Variants in MCOLN1 observed in about 807,000 individuals in gnomAD.
MCOLN1 encodes mucolipin TRP cation channel 1, also known as mucolipin-1.
Under a neutral mutation model 70.3 loss-of-function variants are expected in MCOLN1, and 50 were observed. The observed-to-expected ratio is 0.71, with a 90% CI of 0.57 to 0.90. The LOEUF is 0.90. Ranked by LOEUF, MCOLN1 falls within the 40% of genes least tolerant of loss-of-function variation. The pLI, the probability that MCOLN1 is intolerant of heterozygous loss-of-function variation, is 0.00. For missense variants in MCOLN1, 598 were observed against 803.5 expected (o/e 0.74, Z 3.09); for synonymous variants, 366 against 341.0 (o/e 1.07, Z -0.81).
chr19:7,530,471 G>T lies in MCOLN1; in HGVS notation c.1545G>T (p.Ala515=). ...ACATGGTGCTCAGCCTCTTCATCGCGCTCATCACCGGCGCCTACGACACCA... is the reference window on the plus strand; with the variant it reads ...ACATGGTGCTCAGCCTCTTCATCGCTCTCATCACCGGCGCCTACGACACCA... ...FIYMVLSLFI[A]LITGAYDTIK... Residue 515 remains alanine, a synonymous_variant, in exon 12 of 14, where the codon GCG becomes GCT. Transcript: ENST00000264079. The T allele has an allele frequency of 6.2e-7, 1 of 1,611,616 alleles. No individual in the cohort carries two copies.
In MCOLN1 at chr19:7,527,562, C is replaced by A. The variant is rs748095297; in HGVS notation, c.614C>A (p.Pro205His). 73 of 1,612,456 alleles carry A rather than the reference C, an allele frequency of 4.5e-5. No homozygotes were observed. In the Middle Eastern group the frequency reaches 8.2e-4, roughly 18 times the overall value. The change falls in exon 5 of 14, where the codon CCC (proline) becomes CAC (histidine). Residue 205 changes from proline (P) to histidine (H), a missense_variant. By Grantham distance (77) the Pro-to-His change is moderately conservative. Coordinates refer to ENST00000264079, the MANE Select transcript of MCOLN1 (RefSeq NM_020533.3). ...CCCCCCGAGCGGCCCCCTCCGCCCC[C>A]CAGCGACGATCTCACCCTCTTGGAA... ...VDPPERPPPP[P>H]SDDLTLLESS...
At position 7,526,276 on chromosome 19, in the gene MCOLN1, G is replaced by C; in HGVS notation, c.238-163G>C. On this transcript the variant is annotated intron_variant, in intron 2 of 13. Coordinates refer to ENST00000264079, the MANE Select transcript of MCOLN1 (RefSeq NM_020533.3). This position sits in a 1 kb window ranked among gnomAD's most constrained non-coding sequence, Gnocchi z 4.6. ...GTGAAATTAATCAAAGCAAAGAAAT[G>C]CACAAGTGAAATCCGTGTTTGTGGC... 1.2e-6 allele frequency: 1 copy of C among 809,156 alleles called. No individual in the cohort carries two copies. Among genetic ancestry groups the C allele is most frequent in the Non-Finnish European group, 2.1e-6 (1 of 473,294 alleles). 50.1% of individuals were successfully genotyped at this position (809,156 alleles called of 1,614,324 possible).
Position 7,528,970 on chromosome 19 carries a change from G to A in MCOLN1, c.1134G>A (p.Lys378=), listed in dbSNP as rs202000556. The part of the protein sequence containing the change: ...GTIMKIGIEA[K]NLASYDVCSI... ...TCATGAAGATCGGCATCGAGGCCAA[G>A]GTGCGTCCTGCCAACACCCTGGGCC... Residue 378 remains lysine (K), a splice_region_variant and synonymous_variant, in exon 9 of 14, where the codon AAG becomes AAA. Coordinates refer to ENST00000264079, the MANE Select transcript of MCOLN1 (RefSeq NM_020533.3). The surrounding 1 kb of genome is among the most constrained non-coding windows in gnomAD (Gnocchi z 4.2). 6.2e-7 allele frequency: 1 copy of A among 1,614,112 alleles called. No individual in the cohort carries two copies. The highest frequency in any genetic ancestry group is 8.5e-7 in the Non-Finnish European group (1 of 1,180,016).
At position 7,526,590 on chromosome 19, in the gene MCOLN1, T is replaced by G. The variant is rs2022571420; in HGVS notation, c.389T>G (p.Phe130Cys). The G allele has an allele frequency of 1.9e-6, 3 of 1,612,926 alleles. No homozygotes were observed. In the South Asian group the frequency reaches 3.3e-5, roughly 18 times the overall value. ...CGGGAGCAGCTGTACCAGGCCATCT[T>G]CCATGCTGTGGACCAGGTGCTGGTG... is the stretch of plus-strand genomic sequence containing the variant. Reference protein sequence around the residue: ...YTREQLYQAIFHAVDQYLALP... With the variant: ...YTREQLYQAICHAVDQYLALP... The change falls in exon 3 of 14, where the codon TTC (phenylalanine) becomes TGC (cysteine). Residue 130 changes from phenylalanine (F) to cysteine (C), a missense_variant. Phe to Cys is a radical substitution (Grantham distance 205, BLOSUM62 -2). This residue lies in a region of MCOLN1 where 461 missense variants were observed against 588.4 expected (regional missense o/e 0.78). Coordinates refer to ENST00000264079, the MANE Select transcript of MCOLN1 (RefSeq NM_020533.3). The surrounding 1 kb of genome is among the most constrained non-coding windows in gnomAD (Gnocchi z 4.6).
In MCOLN1 at chr19:7,525,127, G is replaced by C. The variant is rs747815510; in HGVS notation, c.198G>C (p.Leu66=). ...CCAAGGGCCGCAAGCCCTGCAAGCT[G>C]ATGCTGCAAGTGGTCAAGATCCTGG... is the stretch of plus-strand genomic sequence containing the variant. ...FRAKGRKPCK[L]MLQVVKILVV... Residue 66 remains leucine (L), a synonymous_variant, in exon 2 of 14, where the codon CTG becomes CTC. Transcript: ENST00000264079. This position sits in a 1 kb window ranked among gnomAD's most constrained non-coding sequence, Gnocchi z 4.2. 2 of 1,614,168 alleles carry C rather than the reference G, an allele frequency of 1.2e-6. No homozygotes were observed. Among genetic ancestry groups the C allele is most frequent in the South Asian group, 2.2e-5 (2 of 91,084 alleles).
chr19:7,525,465 C>T lies in MCOLN1; in HGVS notation c.237+299C>T, dbSNP rs2022555526. 5.3e-6 allele frequency: 2 copies of T among 380,244 alleles called. No homozygotes were observed. Among genetic ancestry groups the T allele is most frequent in the African/African-American group, 4.3e-5 (2 of 47,016 alleles). The allele number at this position is 380,244 out of a possible 1,614,324, so 23.6% of individuals were successfully genotyped here. On this transcript the variant is annotated intron_variant, in intron 2 of 13. Coordinates refer to ENST00000264079, the MANE Select transcript of MCOLN1 (RefSeq NM_020533.3). The surrounding 1 kb of genome is among the most constrained non-coding windows in gnomAD (Gnocchi z 4.2). ...CTGAAATCATGCCACTGCACTCCAG[C>T]CTGGGCAACAGAGCAAGACTGTCTC...
At chr19:7,527,652 G>T in intron 5 of MCOLN1, 24 bp downstream of exon 5, 1 of 1,522,550 alleles carries the variant, frequency 6.6e-7, no homozygotes, top group Non-Finnish European at 9.1e-7. Flanking sequence ...ACTCGAGGGG[G>T]GCCCAGGGTG....
Position 7,525,393 on chromosome 19 carries a change from C to T in MCOLN1, c.237+227C>T, listed in dbSNP as rs1310911915. 4.1e-6 allele frequency: 2 copies of T among 493,328 alleles called. No individual in the cohort carries two copies. Among genetic ancestry groups the T allele is most frequent in the African/African-American group, 2.0e-5 (1 of 51,190 alleles). The allele number at this position is 493,328 out of a possible 1,614,324, so 30.6% of individuals were successfully genotyped here. On this transcript the variant is annotated intron_variant, in intron 2 of 13. Coordinates refer to ENST00000264079, the MANE Select transcript of MCOLN1 (RefSeq NM_020533.3). This position sits in a 1 kb window ranked among gnomAD's most constrained non-coding sequence, Gnocchi z 4.2. Reference sequence around the variant, plus strand: ...CCTGTAATCCCAGCTACTTGGCAGGCTGAGGCAGGAGAATCGCTTGAATTG... The same window carrying T: ...CCTGTAATCCCAGCTACTTGGCAGGTTGAGGCAGGAGAATCGCTTGAATTG...
chr19:7,524,873 A>G lies in MCOLN1; in HGVS notation c.32-88A>G. On this transcript the variant is annotated intron_variant, in intron 1 of 13. Coordinates refer to ENST00000264079, the MANE Select transcript of MCOLN1 (RefSeq NM_020533.3). This position sits in a 1 kb window ranked among gnomAD's most constrained non-coding sequence, Gnocchi z 4.1. ...TTGGCAGGAGCATGGGGACATGAAGATAGGGCGTGTGCTGCCTTCCTGGTT... is the reference window on the plus strand; with the variant it reads ...TTGGCAGGAGCATGGGGACATGAAGGTAGGGCGTGTGCTGCCTTCCTGGTT... 9.4e-7 allele frequency: 1 copy of G among 1,069,126 alleles called. No individual in the cohort carries two copies. Among genetic ancestry groups the G allele is most frequent in the Non-Finnish European group, 1.4e-6 (1 of 699,118 alleles). The allele number at this position is 1,069,126 out of a possible 1,614,324, so 66.2% of individuals were successfully genotyped here.
chr19:7,529,501 G>GGCCCCC, intron 10 of MCOLN1, 89 bp from the exon 11 acceptor site: 1 of 747,244 alleles, frequency 1.3e-6, no homozygotes, highest in East Asian at 2.9e-5. Flanking sequence ...CCTCGGCAAG[G>GGCCCCC]CCCCGCCCCT....
At position 7,526,037 on chromosome 19, in the gene MCOLN1, G is replaced by A. The variant is rs1284996122; in HGVS notation, c.238-402G>A. On this transcript the variant is annotated intron_variant, in intron 2 of 13. Coordinates refer to ENST00000264079, the MANE Select transcript of MCOLN1 (RefSeq NM_020533.3). The surrounding 1 kb of genome is among the most constrained non-coding windows in gnomAD (Gnocchi z 4.6). ...AGATCATACCATGGCACTCCAACTTGGGCAACAGAGTGAGACTCTGTCTCA... is the reference window on the plus strand; with the variant it reads ...AGATCATACCATGGCACTCCAACTTAGGCAACAGAGTGAGACTCTGTCTCA... 3.2e-6 allele frequency: 1 copy of A among 314,456 alleles called. No individual in the cohort carries two copies. Among genetic ancestry groups the A allele is most frequent in the Non-Finnish European group, 6.2e-6 (1 of 161,298 alleles). 19.5% of individuals were successfully genotyped at this position (314,456 alleles called of 1,614,324 possible).
chr19:7,528,554 C>T lies in MCOLN1; in HGVS notation c.878-43C>T, dbSNP rs1339051180. The T allele has an allele frequency of 6.2e-7, 1 of 1,612,480 alleles. No homozygotes were observed. The highest frequency in any genetic ancestry group is 8.5e-7 in the Non-Finnish European group (1 of 1,179,504). ...TGGCACCAATGCTAGCCTCCCAAGG[C>T]TCCATGCCATCCTTGGCCCTACCCG... On this transcript the variant is annotated intron_variant, in intron 7 of 13. Coordinates refer to ENST00000264079, the MANE Select transcript of MCOLN1 (RefSeq NM_020533.3). This position sits in a 1 kb window ranked among gnomAD's most constrained non-coding sequence, Gnocchi z 4.2.
chr19:7,528,537 A>G lies in MCOLN1; in HGVS notation c.878-60A>G, dbSNP rs959741661. 29 of 1,608,422 alleles carry G rather than the reference A, an allele frequency of 1.8e-5. No homozygotes were observed. The Admixed American group carries it at 4.2e-4, about 23-fold the overall frequency. Reference sequence around the variant, plus strand: ...AGGTCTCCAGCCTGGCCTGGCACCAATGCTAGCCTCCCAAGGCTCCATGCC... The same window carrying G: ...AGGTCTCCAGCCTGGCCTGGCACCAGTGCTAGCCTCCCAAGGCTCCATGCC... On this transcript the variant is annotated intron_variant, in intron 7 of 13. Coordinates refer to ENST00000264079, the MANE Select transcript of MCOLN1 (RefSeq NM_020533.3). The surrounding 1 kb of genome is among the most constrained non-coding windows in gnomAD (Gnocchi z 4.2).
intron 10 of MCOLN1, 84 bp from the exon 11 acceptor site, chr19:7,529,506 G>GCCC: frequency 1.1e-5 from 3 of 280,226 alleles, no homozygotes; most frequent in African/African-American, 4.2e-5. Context: ...GCAAGGCCCC[G>GCCC]CCCCTCCCAC....
rs761512288 is a variant in MCOLN1, at chr19:7,528,003, C to T, written c.777+43C>T. On this transcript the variant is annotated intron_variant, in intron 6 of 13. Coordinates refer to ENST00000264079, the MANE Select transcript of MCOLN1 (RefSeq NM_020533.3). The surrounding 1 kb of genome is among the most constrained non-coding windows in gnomAD (Gnocchi z 4.2). ...CCCACAGGGCTCCTGAGTTCCAGGGCAGGGACCTGGTCAGGGAGTGTCTTG... is the reference window on the plus strand; with the variant it reads ...CCCACAGGGCTCCTGAGTTCCAGGGTAGGGACCTGGTCAGGGAGTGTCTTG... 10 of 1,573,474 alleles carry T rather than the reference C, an allele frequency of 6.4e-6. No individual in the cohort carries two copies. In the Admixed American group the frequency reaches 1.5e-4, roughly 24 times the overall value.
In MCOLN1 at chr19:7,525,105, A is replaced by G. The variant is rs750866741; in HGVS notation, c.176A>G (p.Lys59Arg). Residue 59 changes from lysine (K) to arginine (R), a missense_variant, in exon 2 of 14, where the codon AAG becomes AGG. Coordinates refer to ENST00000264079, the MANE Select transcript of MCOLN1 (RefSeq NM_020533.3). The surrounding 1 kb of genome is among the most constrained non-coding windows in gnomAD (Gnocchi z 4.2). The part of the protein sequence containing the change: ...FMSPCDKFRA[K>R]GRKPCKLMLQ... ...AGTCCCTGCGACAAGTTTCGAGCCA[A>G]GGGCCGCAAGCCCTGCAAGCTGATG... is the stretch of plus-strand genomic sequence containing the variant. The G allele has an allele frequency of 6.2e-7, 1 of 1,614,188 alleles. No homozygotes were observed. Among genetic ancestry groups the G allele is most frequent in the Non-Finnish European group, 8.5e-7 (1 of 1,180,040 alleles).
At position 7,528,974 on chromosome 19, in the gene MCOLN1, C is replaced by T. The variant is rs537560127; in HGVS notation, c.1134+4C>T. On this transcript the variant is annotated splice_donor_region_variant and intron_variant, in intron 9 of 13. Transcript: ENST00000264079. The surrounding 1 kb of genome is among the most constrained non-coding windows in gnomAD (Gnocchi z 4.2). ...GAAGATCGGCATCGAGGCCAAGGTG[C>T]GTCCTGCCAACACCCTGGGCCCCAG... 1.5e-5 allele frequency: 25 copies of T among 1,613,938 alleles called. No homozygotes were observed. The highest frequency in any genetic ancestry group is 6.7e-5 in the East Asian group (3 of 44,880).
Position 7,525,625 on chromosome 19 carries a change from A to C in MCOLN1, c.237+459A>C, listed in dbSNP as rs531193958. ...CCATGTTGACCCAATGGCTGCACAG[A>C]TAGTTCTCCCTCCCCCATGCCAGAC... On this transcript the variant is annotated intron_variant, in intron 2 of 13. Transcript: ENST00000264079. This position sits in a 1 kb window ranked among gnomAD's most constrained non-coding sequence, Gnocchi z 4.2. 1 of 220,774 alleles carries C rather than the reference A, an allele frequency of 4.5e-6. No homozygotes were observed. Among genetic ancestry groups the C allele is most frequent in the African/African-American group, 2.4e-5 (1 of 42,376 alleles). The allele number at this position is 220,774 out of a possible 1,614,324, so 13.7% of individuals were successfully genotyped here. A position where few individuals can be genotyped will look rare whatever the true frequency, so the allele number is the denominator to read the frequency against.
chr19:7,525,100 A>T lies in MCOLN1; in HGVS notation c.171A>T (p.Arg57=). 6.2e-7 allele frequency: 1 copy of T among 1,614,082 alleles called. No homozygotes were observed. The change falls in exon 2 of 14, where the codon CGA becomes CGT. Residue 57 remains arginine (R), a synonymous_variant. Transcript: ENST00000264079. The surrounding 1 kb of genome is among the most constrained non-coding windows in gnomAD (Gnocchi z 4.2). The part of the protein sequence containing the change: ...YFFMSPCDKF[R]AKGRKPCKLM... The stretch of plus-strand genomic sequence containing the variant: ...TCATGAGTCCCTGCGACAAGTTTCG[A>T]GCCAAGGGCCGCAAGCCCTGCAAGC...
Sources: allele counts gnomAD v4.1 joint callset, GRCh38; gene constraint gnomAD v4.1.1; regional missense constraint gnomAD v4.1.1; non-coding constraint Gnocchi (gnomAD v3.1); transcripts MANE v1.5; gene names NCBI Gene and HGNC (gene_info 2026-07-23, HGNC 2026-07-21).